Variants in TMCC1 observed in about 807,000 individuals in gnomAD.
The protein encoded by TMCC1 is transmembrane and coiled-coil domains protein 1.
TMCC1 carries 15 observed loss-of-function variants against 52.4 expected under a neutral mutation model. The observed-to-expected ratio is 0.29, with a 90% CI of 0.19 to 0.44. The LOEUF is 0.44. TMCC1 is among the 20% of genes least tolerant of loss of function. The probability of loss-of-function intolerance (pLI) is 1.00; values close to 1 mark genes in which losing one functional copy is unlikely to be tolerated. For synonymous variants in TMCC1, 279 were observed against 301.9 expected (o/e 0.92, Z 0.79); for missense variants, 503 against 806.0 (o/e 0.62, Z 4.55).
intron 4 of TMCC1, among the ~76,000 whole-genome samples, chr3:129,800,666 CT>C (rs1553875007): frequency 6.3e-5 from 2 of 31,704 alleles, no homozygotes; most frequent in South Asian, 6.8e-3. Context: ...ATCCATCCAT[CT>C]GAGTATTCAT....
chr3:129,707,744 T>C (rs2048352597), intron 4 of TMCC1, among the ~76,000 whole-genome samples: 2 of 152,192 alleles, frequency 1.3e-5, no homozygotes, highest in African/African-American at 4.8e-5. Context: ...CCATCCTGGC[T>C]AACACGGTGA....
intron 4 of TMCC1, among the ~76,000 whole-genome samples, chr3:129,697,666 A>G (rs1446700538): frequency 2.0e-5 from 3 of 152,052 alleles, no homozygotes; most frequent in African/African-American, 7.2e-5. Context: ...GCTTCCTCTC[A>G]AACACTTTGC....
chr3:129,712,910 A>G (rs577869626), intron 4 of TMCC1, among the ~76,000 whole-genome samples: 13 of 152,284 alleles, frequency 8.5e-5, no homozygotes, highest in African/African-American at 2.4e-4. Context: ...CTAATTGTGT[A>G]GGACTGAAAC....
intron 4 of TMCC1, among the ~76,000 whole-genome samples, chr3:129,720,895 G>A (rs2049527449): frequency 6.6e-6 from 1 of 151,852 alleles, no homozygotes; most frequent in South Asian, 2.1e-4. Flanking sequence ...CTCTCACTAT[G>A]TTGCTCACGC....
intron 4 of TMCC1, among the ~76,000 whole-genome samples, chr3:129,675,339 G>C (rs1576402356): frequency 1.3e-5 from 2 of 152,198 alleles, no homozygotes. Context: ...TAAATGGCTT[G>C]GGTTCAAATC....
chr3:129,893,073 T>C (rs1216158063), intron 1 of TMCC1: 2 of 152,362 alleles, frequency 1.3e-5, no homozygotes, highest in Non-Finnish European at 2.9e-5. Flanking sequence ...GGCTAACTTC[T>C]GGGACGCCAT....
chr3:129,670,454 G>C lies in TMCC1; in HGVS notation c.1387C>G (p.Leu463Val). The C allele has an allele frequency of 1.2e-6, 2 of 1,614,168 alleles. No individual in the cohort carries two copies. Among genetic ancestry groups the C allele is most frequent in the Middle Eastern group, 1.6e-4 (1 of 6,062 alleles). The change falls in exon 5 of 7, where the codon CTA becomes GTA. Residue 463 changes from leucine (L) to valine (V), a missense_variant. Transcript: ENST00000393238. ...DMQSSGFDAL[L>V]HEIQEIRETQ... is the part of the protein sequence containing the mutation. ...TCCCGGATCTCCTGGATCTCATGTAGTAGTGCATCAAATCCTGAGCTCTGC... is the reference window on the plus strand; with the variant it reads ...TCCCGGATCTCCTGGATCTCATGTACTAGTGCATCAAATCCTGAGCTCTGC...
intron 2 of TMCC1, among the ~76,000 whole-genome samples, chr3:129,846,673 A>G (rs1270147636): frequency 1.3e-5 from 2 of 152,104 alleles, no homozygotes; most frequent in African/African-American, 4.8e-5. Flanking sequence ...CAGTAATAGG[A>G]AATCCAAGAG....
chr3:129,682,546 T>G (rs1252143574), intron 4 of TMCC1, among the ~76,000 whole-genome samples: 1 of 152,160 alleles, frequency 6.6e-6, no homozygotes, highest in Non-Finnish European at 1.5e-5. Flanking sequence ...CTGCTGGATA[T>G]AGCAGTTCTG....
At chr3:129,784,862 G>A (rs2055863915) in intron 4 of TMCC1, among the ~76,000 whole-genome samples, 1 of 151,854 alleles carries the variant, frequency 6.6e-6, no homozygotes, top group Non-Finnish European at 1.5e-5. Context: ...TACTTGAGAG[G>A]CTGAGGGAGA....
chr3:129,826,813 G>C (rs1005508399), intron 4 of TMCC1, among the ~76,000 whole-genome samples: 1 of 151,768 alleles, frequency 6.6e-6, no homozygotes, highest in African/African-American at 2.4e-5. Flanking sequence ...ACCGCAAGCA[G>C]ACACAGAATG....
In TMCC1 at chr3:129,828,064, G is replaced by T. The variant is rs773717311; in HGVS notation, c.315C>A (p.Val105=). 3 of 1,614,148 alleles carry T rather than the reference G, an allele frequency of 1.9e-6. No individual in the cohort carries two copies. Among genetic ancestry groups the T allele is most frequent in the Non-Finnish European group, 2.5e-6 (3 of 1,180,026 alleles). The part of the protein sequence containing the change: ...VPTHPTALNR[V]LQQIRVPPKM... ...TGGGTGGCACTCGAATCTGCTGCAG[G>T]ACACGATTCAGAGCTGTGGGGTGGG... is the stretch of plus-strand genomic sequence containing the variant. Residue 105 remains valine (V), a synonymous_variant, in exon 4 of 7, where the codon GTC becomes GTA. Coordinates refer to ENST00000393238, the MANE Select transcript of TMCC1 (RefSeq NM_001017395.5). This position sits in a 1 kb window ranked among gnomAD's most constrained non-coding sequence, Gnocchi z 4.1.
intron 2 of TMCC1, among the ~76,000 whole-genome samples, chr3:129,848,119 T>C (rs562344879): frequency 5.9e-5 from 9 of 152,242 alleles, no homozygotes; most frequent in Non-Finnish European, 1.3e-4. Flanking sequence ...ACTTTTTCAT[T>C]TTCTTAAAGG....
chr3:129,699,370 G>A (rs1289515395), intron 4 of TMCC1, among the ~76,000 whole-genome samples: 1 of 152,182 alleles, frequency 6.6e-6, no homozygotes, highest in Non-Finnish European at 1.5e-5. Flanking sequence ...TGCCATGACA[G>A]TTTACAAATG....
chr3:129,781,007 G>A lies in TMCC1; in HGVS notation c.576+46796C>T, dbSNP rs577599556. Among the ~76,000 whole-genome samples, 398 of 152,206 alleles carry A rather than the reference G, an allele frequency of 2.6e-3. 1 individual carries two copies. The highest frequency in any genetic ancestry group is 4.6e-3 in the Non-Finnish European group (314 of 67,980). On this transcript the variant is annotated intron_variant, in intron 4 of 6. Coordinates refer to ENST00000393238, the MANE Select transcript of TMCC1 (RefSeq NM_001017395.5). ...ACATGAGGCTAGTGACTATAACACT[G>A]GCCATCACAGATACAGATACAGTTT...
At chr3:129,676,388 T>TG (rs2088451317) in intron 4 of TMCC1, among the ~76,000 whole-genome samples, 1 of 152,248 alleles carries the variant, frequency 6.6e-6, no homozygotes, top group East Asian at 1.9e-4. Context: ...GCCACAATTC[T>TG]GATCTGTTGC....
chr3:129,888,104 A>G (rs2061803682), intron 1 of TMCC1, among the ~76,000 whole-genome samples: 1 of 152,254 alleles, frequency 6.6e-6, no homozygotes, highest in Non-Finnish European at 1.5e-5. Context: ...CCACAGGTAT[A>G]CAGATTAACA....
chr3:129,731,664 A>G (rs1375417580), intron 4 of TMCC1, among the ~76,000 whole-genome samples: 4 of 151,970 alleles, frequency 2.6e-5, no homozygotes, highest in Admixed American at 2.6e-4. Context: ...GGCGTGAGCC[A>G]CCGTGCCTGG....
chr3:129,680,530 T>C (rs539957879), intron 4 of TMCC1, among the ~76,000 whole-genome samples: 1 of 152,308 alleles, frequency 6.6e-6, no homozygotes, highest in African/African-American at 2.4e-5. Context: ...TCCTTGCTAT[T>C]CACTGCGTCG....
Sources: gnomAD v4.1 joint callset for allele counts (sites outside exome capture counted in the v4.1 genomes callset) on GRCh38, gnomAD v4.1.1 for gene constraint, Gnocchi (gnomAD v3.1) non-coding constraint, MANE v1.5 for transcripts, NCBI Gene and HGNC (gene_info 2026-07-23, HGNC 2026-07-21) for gene names.